Variants in DENND1C observed in about 807,000 individuals in gnomAD.
The protein encoded by DENND1C is DENN domain-containing protein 1C.
A neutral mutation model predicts 87.9 loss-of-function variants in DENND1C; 64 were observed. The ratio of observed to expected loss-of-function variants is 0.73; its 90% CI spans 0.60 to 0.90. The LOEUF (loss-of-function observed/expected upper bound fraction) is 0.90. DENND1C is among the 40% of genes least tolerant of loss of function. The pLI is 0.00. For synonymous variants in DENND1C, 384 were observed against 424.4 expected (o/e 0.90, Z 1.17); for missense variants, 980 against 1,037.0 (o/e 0.95, Z 0.76).
chr19:6,468,375 G>A lies in DENND1C; in HGVS notation c.1650C>T (p.Phe550=). Residue 550 remains phenylalanine (F), a synonymous_variant, in exon 22 of 23, where the codon TTC becomes TTT. Coordinates refer to ENST00000381480, the MANE Select transcript of DENND1C (RefSeq NM_024898.4). ...AATCCAGTTCTTCTCCAGACCCCAA[G>A]AAGCTGCTGTCCAGAGCTTCTTCTG... The part of the protein sequence containing the change: ...PWAEEALDSS[F]LGSGEELDLL... 2 of 1,613,922 alleles carry A rather than the reference G, an allele frequency of 1.2e-6. No homozygotes were observed. The highest frequency in any genetic ancestry group is 1.7e-6 in the Non-Finnish European group (2 of 1,179,860).
At chr19:6,475,645 T>G in intron 12 of DENND1C, 60 bp from the exon 13 acceptor site, 1 of 1,613,168 alleles carries the variant, frequency 6.2e-7, no homozygotes, top group South Asian at 1.1e-5. Flanking sequence ...GGAGGGCATC[T>G]GGGGATGTAG....
At chr19:6,475,647 G>A (rs1218834735) in intron 12 of DENND1C, 59 bp downstream of exon 12, 1 of 1,612,906 alleles carries the variant, frequency 6.2e-7, no homozygotes, top group South Asian at 1.1e-5. Flanking sequence ...AGGGCATCTG[G>A]GGATGTAGAG....
At chr19:6,475,776 T>G (rs746911029) in intron 11 of DENND1C, 25 bp from the exon 12 acceptor site, 7 of 1,539,182 alleles carry the variant, frequency 4.5e-6, no homozygotes, top group Admixed American at 2.0e-5. Context: ...GACGGGGTCA[T>G]GCAGGCACCG....
chr19:6,475,853 G>A lies in DENND1C; in HGVS notation c.763C>T (p.Leu255=). The A allele has an allele frequency of 1.3e-6, 2 of 1,547,828 alleles. No homozygotes were observed. The highest frequency in any genetic ancestry group is 1.7e-6 in the Non-Finnish European group (2 of 1,150,614). Residue 255 remains leucine, a synonymous_variant, in exon 11 of 23, where the codon CTG becomes TTG. Transcript: ENST00000381480. ...HVLIPTLPPH[L]LDYCCAPMPY... The stretch of plus-strand genomic sequence containing the variant: ...CTCGCTCACCAGCAGTAGTCCAGCA[G>A]GTGTGGGGGCAGCGTGGGGATCAGC...
intron 18 of DENND1C, chr19:6,469,998 G>T (rs564368407): frequency 5.0e-6 from 2 of 403,148 alleles, no homozygotes; most frequent in Non-Finnish European, 9.0e-6. Flanking sequence ...ACCTGGAATT[G>T]TAGCATCCAA....
chr19:6,472,232 AC>A (rs1305515794), intron 15 of DENND1C, among the ~76,000 whole-genome samples: 1 of 129,254 alleles, frequency 7.7e-6, no homozygotes, highest in African/African-American at 3.0e-5. Context: ...CACAGTCAGG[AC>A]CCATCCCCTC....
chr19:6,469,702 A>C, intron 18 of DENND1C, 62 bp from the exon 19 acceptor site: 4 of 1,549,852 alleles, frequency 2.6e-6, no homozygotes, highest in Non-Finnish European at 2.6e-6. Context: ...TTGAGAGCTC[A>C]GCCTTCTGTC....
At chr19:6,472,075 C>A (rs979720576) in intron 15 of DENND1C, among the ~76,000 whole-genome samples, 1 of 152,210 alleles carries the variant, frequency 6.6e-6, no homozygotes, top group Admixed American at 6.5e-5. Flanking sequence ...ACTACCCACC[C>A]GCTCTCATTG....
chr19:6,468,262 C>T lies in DENND1C; in HGVS notation c.1763G>A (p.Arg588Lys), dbSNP rs761837815. 3.7e-6 allele frequency: 6 copies of T among 1,613,366 alleles called. No individual in the cohort carries two copies. The Admixed American group carries it at 5.0e-5, about 13-fold the overall frequency. The change falls in exon 22 of 23, where the codon AGA (arginine) becomes AAA (lysine). Residue 588 changes from arginine (R) to lysine (K), a missense_variant. Coordinates refer to ENST00000381480, the MANE Select transcript of DENND1C (RefSeq NM_024898.4). ...GCTGAAGCAGCTGTCCAGGTCTCCT[C>T]TGTGACAGCAGTCTAAACTCTGGCT... is the stretch of plus-strand genomic sequence containing the variant. ...RPSQSLDCCH[R>K]GDLDSCFSLP... is the part of the protein sequence containing the mutation.
intron 4 of DENND1C, among the ~76,000 whole-genome samples, chr19:6,479,304 A>AGTCCCTGAGTCCCTGT (rs2092883629): frequency 7.0e-6 from 1 of 143,068 alleles, no homozygotes; most frequent in African/African-American, 3.0e-5. Context: ...TGAATCCCTA[A>AGTCCCTGAGTCCCTGT]GTCCCTGGGT....
intron 20 of DENND1C, 50 bp from the exon 21 acceptor site, chr19:6,468,695 G>T (rs750353525): frequency 7.1e-7 from 1 of 1,414,444 alleles, no homozygotes; most frequent in Non-Finnish European, 9.4e-7. Flanking sequence ...GAATCGGGGG[G>T]CTGAGGCTTG....
chr19:6,478,753 C>T (rs771766662), intron 6 of DENND1C, 30 bp downstream of exon 6: 2 of 1,597,408 alleles, frequency 1.3e-6, no homozygotes, highest in East Asian at 2.3e-5. Context: ...GCTGGGACTC[C>T]CACAGGAGTG....
At chr19:6,481,452 C>T (rs557338481) in intron 1 of DENND1C, among the ~76,000 whole-genome samples, 1 of 135,648 alleles carries the variant, frequency 7.4e-6, no homozygotes, top group Non-Finnish European at 1.6e-5. Flanking sequence ...GACATAATCA[C>T]AGGAGCTGGA....
chr19:6,477,223 T>C lies in DENND1C; in HGVS notation c.508A>G (p.Lys170Glu). The C allele has an allele frequency of 6.3e-7, 1 of 1,585,780 alleles. No individual in the cohort carries two copies. Among genetic ancestry groups the C allele is most frequent in the Non-Finnish European group, 8.6e-7 (1 of 1,165,990 alleles). The change falls in exon 8 of 23, where the codon AAG (lysine) becomes GAG (glutamate). Residue 170 changes from lysine to glutamate, a missense_variant. Lys to Glu is a moderately conservative substitution (Grantham distance 56). Coordinates refer to ENST00000381480, the MANE Select transcript of DENND1C (RefSeq NM_024898.4). Reference sequence around the variant, plus strand: ...GGTCCCCGAGCCCCGCTCACCGGCTTGCTATTCCCCCGGGTAGGGGGGGGG... The same window carrying C: ...GGTCCCCGAGCCCCGCTCACCGGCTCGCTATTCCCCCGGGTAGGGGGGGGG... ...GIPPPTRGNS[K>E]PLSCFVAPDS... is the part of the protein sequence containing the mutation.
chr19:6,468,632 C>A lies in DENND1C; in HGVS notation c.1529G>T (p.Arg510Leu). The stretch of plus-strand genomic sequence containing the variant: ...TTCCAGCTGGCGTCTCCTGCTGGGG[C>A]GAAGGGGCCGGTTCTGCAAAGGGTG... ...TQHFGKNRPL[R>L]PSRRRQLEEG... The change falls in exon 21 of 23, where the codon CGC becomes CTC. Residue 510 changes from arginine (R) to leucine (L), a missense_variant. Coordinates refer to ENST00000381480, the MANE Select transcript of DENND1C (RefSeq NM_024898.4). The A allele has an allele frequency of 6.7e-7, 1 of 1,491,996 alleles. No homozygotes were observed. The highest frequency in any genetic ancestry group is 8.9e-7 in the Non-Finnish European group (1 of 1,124,054). 92.4% of individuals were successfully genotyped at this position (1,491,996 alleles called of 1,614,324 possible). A position where few individuals can be genotyped will look rare whatever the true frequency, so the allele number is the denominator to read the frequency against.
chr19:6,475,300 A>T lies in DENND1C; in HGVS notation c.1027T>A (p.Tyr343Asn). 6.2e-7 allele frequency: 1 copy of T among 1,613,172 alleles called. No homozygotes were observed. Among genetic ancestry groups the T allele is most frequent in the Non-Finnish European group, 8.5e-7 (1 of 1,179,820 alleles). Residue 343 changes from tyrosine to asparagine, a missense_variant, in exon 14 of 23, where the codon TAC (tyrosine) becomes AAC (asparagine). Coordinates refer to ENST00000381480, the MANE Select transcript of DENND1C (RefSeq NM_024898.4). ...LKAQALLFGGYRDALVCSPGQ... is the reference protein window; with the variant it reads ...LKAQALLFGGNRDALVCSPGQ... Reference sequence around the variant, plus strand: ...GGGCTGCAGACGAGTGCGTCGCGGTACCCCCCGAAGAGCAGGGCCTGGGCT... The same window carrying T: ...GGGCTGCAGACGAGTGCGTCGCGGTTCCCCCCGAAGAGCAGGGCCTGGGCT...
intron 14 of DENND1C, among the ~76,000 whole-genome samples, chr19:6,473,475 T>TC (rs1384313690): frequency 7.0e-5 from 10 of 143,360 alleles, no homozygotes; most frequent in East Asian, 4.1e-4. Flanking sequence ...TTTTTTTTTT[T>TC]CATTTCTTTT....
intron 14 of DENND1C, 122 bp downstream of exon 14, chr19:6,475,152 A>C (rs12976944): frequency 0.62 from 935,212 of 1,499,342 alleles, 298,355 homozygotes; most frequent in Non-Finnish European, 0.67. Context: ...CCATCTCGGC[A>C]TCCCAAAGTG....
At chr19:6,473,290 G>A (rs374717141) in intron 14 of DENND1C, among the ~76,000 whole-genome samples, 107 of 152,120 alleles carry the variant, frequency 7.0e-4, no homozygotes, top group African/African-American at 2.5e-3. Flanking sequence ...GAGTAGCTGG[G>A]ACTACAGGCA....
Sources: allele counts gnomAD v4.1 joint callset (sites outside exome capture counted in the v4.1 genomes callset), GRCh38; gene constraint gnomAD v4.1.1; transcripts MANE v1.5; gene names NCBI Gene and HGNC (gene_info 2026-07-23, HGNC 2026-07-21).